The following PIBF1 variants were observed in gnomAD, a reference collection of about 807,000 sequenced individuals.
PIBF1 encodes the protein progesterone immunomodulatory binding factor 1, also known as progesterone-induced-blocking factor 1.
PIBF1 carries 90 observed loss-of-function variants against 112.5 expected under a neutral mutation model. The observed-to-expected ratio is 0.80, with a 90% CI of 0.67 to 0.95. The LOEUF is 0.95. Ranked by LOEUF, PIBF1 falls within the 40% of genes least tolerant of loss-of-function variation. The pLI is 0.00. For synonymous variants in PIBF1, 301 were observed against 288.6 expected (o/e 1.04, Z -0.44); for missense variants, 915 against 852.3 (o/e 1.07, Z -0.92).
At chr13:72,982,657 G>A (rs1166947879) in intron 16 of PIBF1, among the ~76,000 whole-genome samples, 1 of 152,056 alleles carries the variant, frequency 6.6e-6, no homozygotes, top group Non-Finnish European at 1.5e-5. Flanking sequence ...CAGATAATAA[G>A]TACTCATTCA....
At chr13:72,795,603 C>G in intron 4 of PIBF1, 46 bp downstream of exon 4, 1 of 1,178,586 alleles carries the variant, frequency 8.5e-7, no homozygotes, top group East Asian at 2.4e-5. Context: ...TATTTTCAGA[C>G]TAAAATTTAC....
At chr13:72,965,916 T>A (rs1010395997) in intron 15 of PIBF1, among the ~76,000 whole-genome samples, 3 of 152,224 alleles carry the variant, frequency 2.0e-5, no homozygotes, top group Non-Finnish European at 4.4e-5. Flanking sequence ...CCTTAATTTG[T>A]AATTGTTTCT....
chr13:72,937,763 C>T (rs1431340883), intron 14 of PIBF1, among the ~76,000 whole-genome samples: 4 of 151,830 alleles, frequency 2.6e-5, no homozygotes, highest in South Asian at 4.2e-4. Flanking sequence ...TGCAGTGAGC[C>T]GAGATCGCGC....
At chr13:72,869,628 A>AT (rs1246842358) in intron 10 of PIBF1, among the ~76,000 whole-genome samples, 3 of 151,704 alleles carry the variant, frequency 2.0e-5, no homozygotes, top group African/African-American at 7.3e-5. Context: ...ATAATAATAA[A>AT]AAATAAATAA....
chr13:72,826,070 T>A (rs537161724), intron 6 of PIBF1, among the ~76,000 whole-genome samples: 1 of 151,670 alleles, frequency 6.6e-6, no homozygotes, highest in South Asian at 2.1e-4. Context: ...AAAAAAAGAT[T>A]TTTTAAAAAA....
intron 4 of PIBF1, 68 bp from the exon 5 acceptor site, chr13:72,797,839 C>A: frequency 8.5e-7 from 1 of 1,173,782 alleles, no homozygotes; most frequent in Non-Finnish European, 1.2e-6. Context: ...TAAGTGAGAG[C>A]ACTACAAATT....
chr13:72,785,949 C>T (rs1176141914), intron 2 of PIBF1, among the ~76,000 whole-genome samples: 5 of 152,146 alleles, frequency 3.3e-5, no homozygotes, highest in Non-Finnish European at 5.9e-5. Flanking sequence ...ATGACAGGCT[C>T]TCTAGTGTAA....
At position 72,827,804 on chromosome 13, in the gene PIBF1, G is replaced by A. The variant is rs778631022; in HGVS notation, c.987G>A (p.Glu329=). 1.9e-6 allele frequency: 3 copies of A among 1,604,738 alleles called. No individual in the cohort carries two copies. The highest frequency in any genetic ancestry group is 2.3e-5 in the South Asian group (2 of 88,498). ...AATATCTTAATCGCCAAAACATGGA[G>A]CTTAGTGTTCGCTGTGCTCATGAAG... ...DKEYLNRQNM[E]LSVRCAHEED... The change falls in exon 8 of 18, where the codon GAG becomes GAA. Residue 329 remains glutamate (E), a synonymous_variant. Transcript: ENST00000326291.
chr13:72,821,247 T>G (rs1453106522), intron 5 of PIBF1, among the ~76,000 whole-genome samples: 1 of 152,156 alleles, frequency 6.6e-6, no homozygotes, highest in African/African-American at 2.4e-5. Flanking sequence ...TGACCAACTT[T>G]AAGGTTTTTA....
At chr13:72,980,477 TA>T (rs1219769431) in intron 16 of PIBF1, among the ~76,000 whole-genome samples, 2 of 152,050 alleles carry the variant, frequency 1.3e-5, no homozygotes, top group African/African-American at 4.8e-5. Flanking sequence ...GAAAGATTTT[TA>T]AAAAAGAGTC....
rs116845108 is a variant in PIBF1 at position 72,869,693 on chromosome 13, G to A, written c.1322+15538G>A. On this transcript the variant is annotated intron_variant, in intron 10 of 17. Transcript: ENST00000326291. ...TATAAGAAAGTTATTAGCTCTGATC[G>A]CCTCTCTTTATTCTTATGTATGAGT... Among the ~76,000 whole-genome samples the A allele has an allele frequency of 4.4e-4, 67 of 151,628 alleles. No individual in the cohort carries two copies. The East Asian group carries it at 7.2e-3, about 16-fold the overall frequency.
At chr13:72,903,412 A>G (rs2040576111) in intron 11 of PIBF1, among the ~76,000 whole-genome samples, 1 of 152,200 alleles carries the variant, frequency 6.6e-6, no homozygotes, top group Non-Finnish European at 1.5e-5. Flanking sequence ...CCAGTTACAC[A>G]AATTTTAAGA....
At chr13:72,987,167 A>G (rs2043317786) in intron 16 of PIBF1, among the ~76,000 whole-genome samples, 1 of 152,210 alleles carries the variant, frequency 6.6e-6, no homozygotes, top group South Asian at 2.1e-4. Context: ...TTTAGAGAAG[A>G]TAAGACTTAG....
At chr13:72,929,580 CTAAA>C (rs148634321) in intron 13 of PIBF1, among the ~76,000 whole-genome samples, 2 of 152,066 alleles carry the variant, frequency 1.3e-5, no homozygotes, top group African/African-American at 4.8e-5. Context: ...TGGCACAACT[CTAAA>C]TATACTAAAA....
At chr13:72,817,430 G>A (rs1173951927) in intron 5 of PIBF1, among the ~76,000 whole-genome samples, 1 of 152,116 alleles carries the variant, frequency 6.6e-6, no homozygotes, top group Non-Finnish European at 1.5e-5. Flanking sequence ...ATTTCTTTAT[G>A]TTTGAAAAGT....
At chr13:72,992,420 A>G (rs773395836) in intron 16 of PIBF1, among the ~76,000 whole-genome samples, 4 of 152,210 alleles carry the variant, frequency 2.6e-5, no homozygotes, top group South Asian at 2.1e-4. Flanking sequence ...AATACTCTAC[A>G]TTTTGTCATT....
intron 14 of PIBF1, among the ~76,000 whole-genome samples, chr13:72,956,230 C>G (rs902856877): frequency 6.6e-6 from 1 of 152,056 alleles, no homozygotes; most frequent in Non-Finnish European, 1.5e-5. Flanking sequence ...CCCATTATCT[C>G]CATTGCAGAT....
intron 15 of PIBF1, among the ~76,000 whole-genome samples, chr13:72,967,698 C>T (rs1007001497): frequency 2.0e-5 from 3 of 151,990 alleles, no homozygotes; most frequent in Non-Finnish European, 4.4e-5. Flanking sequence ...GTTGTTGAAG[C>T]GGGGTGATAG....
At chr13:72,939,236 G>A (rs2041948493) in intron 14 of PIBF1, among the ~76,000 whole-genome samples, 1 of 152,078 alleles carries the variant, frequency 6.6e-6, no homozygotes, top group Non-Finnish European at 1.5e-5. Flanking sequence ...TTATTGAGGT[G>A]AAATTCACAT....
Sources: allele counts gnomAD v4.1 joint callset (sites outside exome capture counted in the v4.1 genomes callset), GRCh38; gene constraint gnomAD v4.1.1; transcripts MANE v1.5; gene names NCBI Gene and HGNC (gene_info 2026-07-23, HGNC 2026-07-21).